MDGA2: variants seen among roughly 807,000 people sequenced by gnomAD.
MDGA2 encodes MAM domain containing glycosylphosphatidylinositol anchor 2, also known as MAM domain-containing glycosylphosphatidylinositol anchor protein 2.
A neutral mutation model predicts 117.8 loss-of-function variants in MDGA2; 40 were observed. The observed-to-expected ratio is 0.34, with a 90% CI of 0.26 to 0.44. The LOEUF (loss-of-function observed/expected upper bound fraction) is 0.44. MDGA2 is among the 20% of genes least tolerant of loss of function. The pLI is 1.00. For synonymous variants in MDGA2, 452 were observed against 439.0 expected, an observed-to-expected ratio of 1.03 and a Z score of -0.37; for missense variants, 1,123 against 1,250.6, an observed-to-expected ratio of 0.90 and a Z score of 1.54.
intron 9 of MDGA2, among the ~76,000 whole-genome samples, 171 bp downstream of exon 9, chr14:46,957,203 A>G (rs1294042878): frequency 6.6e-6 from 1 of 152,194 alleles, no homozygotes; most frequent in African/African-American, 2.4e-5. Flanking sequence ...TCTTTTAACT[A>G]TTAAAATAAA....
chr14:47,632,250 C>T (rs1897257128), intron 1 of MDGA2, among the ~76,000 whole-genome samples: 1 of 152,194 alleles, frequency 6.6e-6, no homozygotes, highest in Non-Finnish European at 1.5e-5. Context: ...ATGAATGGTG[C>T]CATGAATTCA....
intron 1 of MDGA2, among the ~76,000 whole-genome samples, chr14:47,335,731 A>ATTTT (rs869042519): frequency 3.1e-5 from 1 of 32,696 alleles, no homozygotes; most frequent in Non-Finnish European, 6.2e-5. Context: ...GCACACATAT[A>ATTTT]TTTTATATAT....
intron 10 of MDGA2, among the ~76,000 whole-genome samples, chr14:46,890,066 T>C (rs1002235051): frequency 6.6e-6 from 1 of 152,098 alleles, no homozygotes; most frequent in Non-Finnish European, 1.5e-5. Flanking sequence ...GAATTGCTCC[T>C]GATATTTTTT....
chr14:47,349,546 T>A lies in MDGA2; in HGVS notation c.281-47996A>T, dbSNP rs987127336. On this transcript the variant is annotated intron_variant, in intron 1 of 16. Coordinates refer to ENST00000399232, the MANE Select transcript of MDGA2 (RefSeq NM_001113498.3). ...GTGACTTTTCAAAGCAACTATACTA[T>A]CTCCTTAAAATAATAAACTTATCTT... 3.3e-5 allele frequency among the ~76,000 whole-genome samples: 5 copies of A among 152,228 alleles called. No individual in the cohort carries two copies. In the East Asian group the frequency reaches 9.6e-4, roughly 29 times the overall value.
At chr14:47,269,969 T>C (rs1164272137) in intron 2 of MDGA2, among the ~76,000 whole-genome samples, 1 of 152,184 alleles carries the variant, frequency 6.6e-6, no homozygotes, top group African/African-American at 2.4e-5. Flanking sequence ...CATTATGACT[T>C]GATTACTAAC....
At chr14:47,101,857 C>T (rs895124428) in intron 5 of MDGA2, among the ~76,000 whole-genome samples, 4 of 151,986 alleles carry the variant, frequency 2.6e-5, no homozygotes, top group Admixed American at 1.3e-4. Context: ...GAGACAGATA[C>T]ATATTTTTCA....
At chr14:47,036,915 G>A (rs1292472988) in intron 7 of MDGA2, among the ~76,000 whole-genome samples, 3 of 151,898 alleles carry the variant, frequency 2.0e-5, no homozygotes, top group Non-Finnish European at 4.4e-5. Context: ...AATGCATAAC[G>A]TCTTAGAATT....
chr14:46,969,535 G>A (rs1595077759), intron 8 of MDGA2, among the ~76,000 whole-genome samples: 1 of 152,164 alleles, frequency 6.6e-6, no homozygotes, highest in Non-Finnish European at 1.5e-5. Flanking sequence ...TCTGTTGGCT[G>A]CATAAATGTC....
At chr14:46,920,970 C>G (rs1421031714) in intron 9 of MDGA2, among the ~76,000 whole-genome samples, 3 of 151,708 alleles carry the variant, frequency 2.0e-5, no homozygotes, top group East Asian at 1.9e-4. Flanking sequence ...GTGTATATAC[C>G]ACATACAAAC....
chr14:46,964,816 AT>A (rs1045550093), intron 8 of MDGA2, among the ~76,000 whole-genome samples: 2 of 147,548 alleles, frequency 1.4e-5, no homozygotes, highest in Non-Finnish European at 1.5e-5. Flanking sequence ...GTTTGTAGCT[AT>A]TTTTTTTCTT....
At chr14:47,467,212 G>C (rs1448375887) in intron 1 of MDGA2, among the ~76,000 whole-genome samples, 1 of 152,084 alleles carries the variant, frequency 6.6e-6, no homozygotes, top group Non-Finnish European at 1.5e-5. Flanking sequence ...GAAAAATAGA[G>C]CCTCTTAGTA....
At chr14:47,493,770 T>C (rs1302707376) in intron 1 of MDGA2, among the ~76,000 whole-genome samples, 2 of 152,216 alleles carry the variant, frequency 1.3e-5, no homozygotes, top group African/African-American at 4.8e-5. Flanking sequence ...ATTTTTGTCA[T>C]TACCAATGCA....
At chr14:46,986,074 T>C (rs548297931) in intron 8 of MDGA2, among the ~76,000 whole-genome samples, 5 of 152,054 alleles carry the variant, frequency 3.3e-5, no homozygotes, top group African/African-American at 1.2e-4. Flanking sequence ...CTTGACAGCC[T>C]GAGGAATCTT....
chr14:46,916,929 GAGTT>G (rs1326392954), intron 10 of MDGA2, among the ~76,000 whole-genome samples: 2 of 151,896 alleles, frequency 1.3e-5, no homozygotes, highest in East Asian at 1.9e-4. Flanking sequence ...GGCAGGTAAA[GAGTT>G]AGCTTCAAAA....
chr14:47,469,387 G>A (rs1460220370), intron 1 of MDGA2, among the ~76,000 whole-genome samples: 4 of 152,054 alleles, frequency 2.6e-5, no homozygotes, highest in Admixed American at 2.0e-4. Context: ...TCCCACCTAT[G>A]AGTGAGAATA....
intron 1 of MDGA2, among the ~76,000 whole-genome samples, chr14:47,571,528 G>C (rs573381176): frequency 6.6e-6 from 1 of 152,204 alleles, no homozygotes; most frequent in South Asian, 2.1e-4. Flanking sequence ...TGATAGACTG[G>C]ATTAAGAAAA....
intron 14 of MDGA2, among the ~76,000 whole-genome samples, chr14:46,859,847 A>C (rs1881437325): frequency 6.6e-6 from 1 of 152,142 alleles, no homozygotes; most frequent in Non-Finnish European, 1.5e-5. Context: ...CATATAATGT[A>C]GTATATAAAC....
rs183837282 is a variant in MDGA2 at position 47,583,331 on chromosome 14, A to G, written c.280+91186T>C. Among the ~76,000 whole-genome samples the G allele has an allele frequency of 1.8e-3, 271 of 151,972 alleles. 1 individual carries two copies. The highest frequency in any genetic ancestry group is 5.5e-3 in the African/African-American group (230 of 41,536). On this transcript the variant is annotated intron_variant, in intron 1 of 16. Coordinates refer to ENST00000399232, the MANE Select transcript of MDGA2 (RefSeq NM_001113498.3). ...GAGCTCTGAATGACAAGAAGCAGCTAGCCAGTGAGAACAGAGAACTTTGCA... is the reference window on the plus strand; with the variant it reads ...GAGCTCTGAATGACAAGAAGCAGCTGGCCAGTGAGAACAGAGAACTTTGCA...
rs138541307 is a variant in MDGA2 at position 47,627,992 on chromosome 14, T to G, written c.280+46525A>C. ...ACCGTGAGGGTCCGCGGCTTCATTC[T>G]TGAAGTCAGTGAGACCAACAACCCA... On this transcript the variant is annotated intron_variant, in intron 1 of 16. Transcript: ENST00000399232. 3.3e-3 allele frequency among the ~76,000 whole-genome samples: 502 copies of G among 152,314 alleles called. 3 individuals are homozygous for G. The highest frequency in any genetic ancestry group is 5.7e-3 in the Non-Finnish European group (389 of 68,030).
Sources: gnomAD v4.1 joint callset for allele counts (sites outside exome capture counted in the v4.1 genomes callset) on GRCh38, gnomAD v4.1.1 for gene constraint, MANE v1.5 for transcripts, NCBI Gene and HGNC (gene_info 2026-07-23, HGNC 2026-07-21) for gene names.